Variants in ABCA13 observed in about 807,000 individuals in gnomAD.
ABCA13 encodes the protein ATP-binding cassette sub-family A member 13.
Under a neutral mutation model 478.7 loss-of-function variants are expected in ABCA13, and 476 were observed. The ratio of observed to expected loss-of-function variants is 0.99; its 90% CI spans 0.92 to 1.07. The LOEUF (loss-of-function observed/expected upper bound fraction) is 1.07, where lower values mean the gene tolerates loss of function less well. Ranked by LOEUF, ABCA13 falls within the 50% of genes least tolerant of loss-of-function variation. The pLI is 0.00. For synonymous variants in ABCA13, 2,252 were observed against 2,158.9 expected, an observed-to-expected ratio of 1.04 and a Z score of -1.20; for missense variants, 6,060 against 5,910.6, an observed-to-expected ratio of 1.03 and a Z score of -0.83.
At chr7:48,413,031 T>G in intron 41 of ABCA13, among the ~76,000 whole-genome samples, 1 of 151,912 alleles carries the variant, frequency 6.6e-6, no homozygotes, top group East Asian at 2.0e-4. Flanking sequence ...CAGGATGGTC[T>G]CGATCCCCTG....
intron 1 of ABCA13, among the ~76,000 whole-genome samples, chr7:48,178,263 A>G (rs1007544116): frequency 6.6e-6 from 1 of 152,230 alleles, no homozygotes; most frequent in African/African-American, 2.4e-5. Context: ...GCAGTGAGGG[A>G]AATGCTTTGA....
intron 1 of ABCA13, among the ~76,000 whole-genome samples, chr7:48,187,494 G>A (rs1449569815): frequency 6.6e-6 from 1 of 151,768 alleles, no homozygotes; most frequent in Non-Finnish European, 1.5e-5. Flanking sequence ...CAATTTGTTG[G>A]ATTCTTTACT....
intron 42 of ABCA13, among the ~76,000 whole-genome samples, chr7:48,454,477 T>C (rs1422729992): frequency 1.3e-5 from 2 of 152,220 alleles, no homozygotes; most frequent in East Asian, 3.9e-4. Context: ...TGAGGATGTT[T>C]TCACATTCGC....
intron 38 of ABCA13, among the ~76,000 whole-genome samples, chr7:48,396,467 T>G (rs892527305): frequency 1.2e-4 from 18 of 152,162 alleles, no homozygotes; most frequent in African/African-American, 4.3e-4. Context: ...CAGGAGATGG[T>G]GCCATGCAGC....
intron 51 of ABCA13, 42 bp downstream of exon 51, chr7:48,511,241 T>A: frequency 6.5e-7 from 1 of 1,528,028 alleles, no homozygotes; most frequent in South Asian, 1.2e-5. Context: ...CGGTTTGTTT[T>A]CTGAAAGAGA....
chr7:48,228,847 C>CA (rs1188602890), intron 6 of ABCA13, among the ~76,000 whole-genome samples: 1 of 152,132 alleles, frequency 6.6e-6, no homozygotes, highest in East Asian at 1.9e-4. Context: ...TAGCAGTGAA[C>CA]AACGAAAATA....
intron 55 of ABCA13, among the ~76,000 whole-genome samples, chr7:48,579,139 A>G (rs1563461588): frequency 6.6e-6 from 1 of 152,248 alleles, no homozygotes; most frequent in Non-Finnish European, 1.5e-5. Flanking sequence ...GGTAAGTTTG[A>G]CTTCATTAAA....
chr7:48,560,405 G>A (rs567863865), intron 55 of ABCA13, among the ~76,000 whole-genome samples: 3 of 152,152 alleles, frequency 2.0e-5, no homozygotes, highest in Non-Finnish European at 4.4e-5. Context: ...TATGGGGGAG[G>A]GATGTAATCA....
intron 15 of ABCA13, among the ~76,000 whole-genome samples, chr7:48,257,663 T>C (rs1276020335): frequency 6.6e-6 from 1 of 152,208 alleles, no homozygotes; most frequent in Non-Finnish European, 1.5e-5. Flanking sequence ...TACTTGATTG[T>C]AGTGGATTAG....
chr7:48,456,406 C>A (rs1825680903), intron 43 of ABCA13, among the ~76,000 whole-genome samples: 4 of 152,118 alleles, frequency 2.6e-5, no homozygotes, highest in Admixed American at 2.6e-4. Context: ...TATAAAAGGG[C>A]TATCACTATT....
intron 48 of ABCA13, among the ~76,000 whole-genome samples, chr7:48,495,311 A>G (rs1294944125): frequency 1.3e-5 from 2 of 152,176 alleles, no homozygotes; most frequent in Non-Finnish European, 2.9e-5. Context: ...GGATTATTTC[A>G]AAACATGTTG....
chr7:48,614,477 C>T (rs1019433986), intron 58 of ABCA13, among the ~76,000 whole-genome samples: 4 of 151,118 alleles, frequency 2.6e-5, no homozygotes, highest in Non-Finnish European at 5.9e-5. Flanking sequence ...GTCAGTGTAG[C>T]GATTCTTCAG....
intron 42 of ABCA13, among the ~76,000 whole-genome samples, chr7:48,428,202 C>T (rs557976777): frequency 6.6e-5 from 10 of 152,270 alleles, no homozygotes; most frequent in Non-Finnish European, 1.5e-4. Context: ...ACTGATCTGG[C>T]CTACCTGCGT....
intron 59 of ABCA13, among the ~76,000 whole-genome samples, chr7:48,637,381 C>CAAAAAAAAAAAAAAAAAAAAAAAAAAAAG (rs1156643955): frequency 4.9e-5 from 1 of 20,258 alleles, no homozygotes; most frequent in Non-Finnish European, 8.6e-5. Flanking sequence ...GTTCATAAAG[C>CAAAAAAAAAAAAAAAAAAAAAAAAAAAAG]AAAAAAAAAA....
intron 29 of ABCA13, among the ~76,000 whole-genome samples, chr7:48,345,305 A>G (rs1168807339): frequency 6.6e-6 from 1 of 152,204 alleles, no homozygotes; most frequent in Non-Finnish European, 1.5e-5. Flanking sequence ...ATATATATTT[A>G]TGAGTTAAGT....
At position 48,249,239 on chromosome 7, in the gene ABCA13, A is replaced by T; in HGVS notation, c.1893A>T (p.Gln631His). The T allele has an allele frequency of 6.2e-7, 1 of 1,612,242 alleles. No homozygotes were observed. Among genetic ancestry groups the T allele is most frequent in the Middle Eastern group, 1.7e-4 (1 of 6,046 alleles). Reference sequence around the variant, plus strand: ...TATTTCATACACTTGAAAAAACACAATTTTTCCTGGAACAAGCATATTATT... The same window carrying T: ...TATTTCATACACTTGAAAAAACACATTTTTTCCTGGAACAAGCATATTATT... Reference protein sequence around the residue: ...TVIFHTLEKTQFFLEQAYYWK... With the variant: ...TVIFHTLEKTHFFLEQAYYWK... Residue 631 changes from glutamine to histidine, a missense_variant, in exon 15 of 62, where the codon CAA becomes CAT. This residue lies in a region of ABCA13 where 4,423 missense variants were observed against 4,309.1 expected (regional missense o/e 1.03). Coordinates refer to ENST00000435803, the MANE Select transcript of ABCA13 (RefSeq NM_152701.5).
At chr7:48,520,848 T>A (rs1336969555) in intron 53 of ABCA13, among the ~76,000 whole-genome samples, 5 of 152,192 alleles carry the variant, frequency 3.3e-5, no homozygotes, top group African/African-American at 1.2e-4. Flanking sequence ...GCAGCTAAGG[T>A]AAATTTGGTT....
chr7:48,394,587 A>G (rs554357894), intron 38 of ABCA13, among the ~76,000 whole-genome samples: 3 of 152,136 alleles, frequency 2.0e-5, no homozygotes, highest in African/African-American at 4.8e-5. Context: ...GTTTCTTTCC[A>G]CCAGATAGCA....
intron 32 of ABCA13, among the ~76,000 whole-genome samples, chr7:48,368,198 G>A (rs1007960487): frequency 5.3e-5 from 8 of 152,134 alleles, no homozygotes; most frequent in African/African-American, 1.7e-4. Flanking sequence ...TTAAAACCCA[G>A]AAAAACATAG....
Sources: allele counts gnomAD v4.1 joint callset (sites outside exome capture counted in the v4.1 genomes callset), GRCh38; gene constraint gnomAD v4.1.1; regional missense constraint gnomAD v4.1.1; transcripts MANE v1.5; gene names NCBI Gene and HGNC (gene_info 2026-07-23, HGNC 2026-07-21).